PCDH15: variants seen among roughly 807,000 people sequenced by gnomAD.
PCDH15 encodes protocadherin-15.
Under a neutral mutation model 178.5 loss-of-function variants are expected in PCDH15, and 129 were observed. That is an observed-to-expected ratio of 0.72 (90% CI 0.63 to 0.84). The LOEUF (loss-of-function observed/expected upper bound fraction) is 0.84, where lower values mean the gene tolerates loss of function less well. PCDH15 is among the 40% of genes least tolerant of loss of function. The pLI, the probability that PCDH15 is intolerant of heterozygous loss-of-function variation, is 0.00. For synonymous variants in PCDH15, 800 were observed against 732.0 expected (o/e 1.09, Z -1.50); for missense variants, 2,230 against 2,099.9 (o/e 1.06, Z -1.21).
At chr10:54,545,677 A>G (rs2085766572) in intron 2 of PCDH15, among the ~76,000 whole-genome samples, 1 of 152,164 alleles carries the variant, frequency 6.6e-6, no homozygotes, top group African/African-American at 2.4e-5. Context: ...CTATAGCAAT[A>G]TAGAGATAAT....
chr10:53,981,376 T>G (rs1422397900), intron 21 of PCDH15, among the ~76,000 whole-genome samples: 4 of 152,162 alleles, frequency 2.6e-5, no homozygotes, highest in Non-Finnish European at 5.9e-5. Flanking sequence ...CTTGAAAACT[T>G]AGGGAATTTC....
chr10:54,856,568 C>G (rs987929954), intron 3 of PCDH15, among the ~76,000 whole-genome samples: 6 of 152,118 alleles, frequency 3.9e-5, no homozygotes, highest in African/African-American at 1.4e-4. Context: ...TTTATAGCTT[C>G]CCTAATATTC....
At chr10:55,237,594 C>T (rs550913358) in intron 1 of PCDH15, among the ~76,000 whole-genome samples, 4 of 152,152 alleles carry the variant, frequency 2.6e-5, no homozygotes, top group African/African-American at 9.6e-5. Context: ...AGAGATCATT[C>T]TAAATTTGAT....
At chr10:54,019,966 T>C (rs567153246) in intron 20 of PCDH15, among the ~76,000 whole-genome samples, 3 of 152,226 alleles carry the variant, frequency 2.0e-5, no homozygotes, top group East Asian at 1.9e-4. Flanking sequence ...TCCATGGTCT[T>C]TGTACACATA....
At chr10:54,993,510 G>T (rs527696055) in intron 2 of PCDH15, among the ~76,000 whole-genome samples, 57 of 152,224 alleles carry the variant, frequency 3.7e-4, no homozygotes, top group African/African-American at 1.4e-3. Flanking sequence ...GATCCCTTTT[G>T]TTTGGATGAC....
intron 1 of PCDH15, among the ~76,000 whole-genome samples, chr10:55,295,105 A>C (rs1843099065): frequency 6.6e-6 from 1 of 152,208 alleles, no homozygotes; most frequent in South Asian, 2.1e-4. Flanking sequence ...TAGATATAAG[A>C]AAGTTTTGTG....
chr10:53,896,039 A>T (rs934397696), intron 26 of PCDH15, among the ~76,000 whole-genome samples: 6 of 152,198 alleles, frequency 3.9e-5, no homozygotes, highest in African/African-American at 1.4e-4. Flanking sequence ...AAGTGCAATA[A>T]GAAATAATTG....
intron 2 of PCDH15, among the ~76,000 whole-genome samples, chr10:54,567,488 A>AT (rs1388343469): frequency 2.0e-5 from 3 of 152,126 alleles, no homozygotes; most frequent in Non-Finnish European, 4.4e-5. Context: ...ATCATTTCAC[A>AT]TTTTTTATCA....
chr10:54,608,517 G>A (rs2092847656), intron 2 of PCDH15, among the ~76,000 whole-genome samples: 1 of 151,910 alleles, frequency 6.6e-6, no homozygotes, highest in African/African-American at 2.4e-5. Flanking sequence ...AGGCTGAGGT[G>A]GGCGGATAGA....
intron 2 of PCDH15, among the ~76,000 whole-genome samples, chr10:54,623,285 T>C (rs927261613): frequency 6.6e-6 from 1 of 152,138 alleles, no homozygotes; most frequent in African/African-American, 2.4e-5. Context: ...AAGCTCTGCA[T>C]ACATCCATCT....
intron 15 of PCDH15, among the ~76,000 whole-genome samples, chr10:54,102,452 T>C (rs2094830174): frequency 6.6e-6 from 1 of 152,096 alleles, no homozygotes; most frequent in Non-Finnish European, 1.5e-5. Context: ...GCAATTGGAG[T>C]CACCACTTCA....
At chr10:55,208,108 G>C (rs2132167049) in intron 1 of PCDH15, among the ~76,000 whole-genome samples, 1 of 152,174 alleles carries the variant, frequency 6.6e-6, no homozygotes, top group Non-Finnish European at 1.5e-5. Flanking sequence ...TCTTGGCAGA[G>C]ATGTAAAAAC....
intron 3 of PCDH15, among the ~76,000 whole-genome samples, chr10:54,383,240 A>T (rs1176999956): frequency 6.7e-6 from 1 of 149,870 alleles, no homozygotes; most frequent in African/African-American, 2.4e-5. Context: ...TACCAGCAAG[A>T]AAAAAAAAAG....
At chr10:55,441,648 A>G (rs1035377909) in intron 2 of PCDH15, among the ~76,000 whole-genome samples, 2 of 152,216 alleles carry the variant, frequency 1.3e-5, no homozygotes, top group African/African-American at 4.8e-5. Flanking sequence ...TTCAGAAACA[A>G]GATAATCCTA....
At chr10:55,472,509 C>A in intron 2 of PCDH15, among the ~76,000 whole-genome samples, 1 of 130,274 alleles carries the variant, frequency 7.7e-6, no homozygotes, top group South Asian at 2.5e-4. Context: ...AGAATCCTGA[C>A]TCTAATAATA....
intron 21 of PCDH15, among the ~76,000 whole-genome samples, chr10:53,979,755 G>T (rs758362546): frequency 1.3e-5 from 2 of 152,096 alleles, no homozygotes; most frequent in East Asian, 1.9e-4. Context: ...GCTATTAAAC[G>T]GAGGTGCTAC....
rs532234348 is a variant in PCDH15 at position 54,409,128 on chromosome 10, G to C, written c.158-30186C>G. Among the ~76,000 whole-genome samples, 3 of 152,150 alleles carry C rather than the reference G, an allele frequency of 2.0e-5. No homozygotes were observed. In the East Asian group the frequency reaches 5.8e-4, roughly 29 times the overall value. ...CATTGCCTTGTCTGCCACCATGTGA[G>C]ACATGTATTTTGCGTTTTGCCATGA... On this transcript the variant is annotated intron_variant, in intron 3 of 37. Coordinates refer to ENST00000644397, the MANE Select transcript of PCDH15 (RefSeq NM_001384140.1).
intron 2 of PCDH15, among the ~76,000 whole-genome samples, chr10:54,935,671 A>G (rs1198393591): frequency 6.6e-6 from 1 of 152,122 alleles, no homozygotes; most frequent in Non-Finnish European, 1.5e-5. Flanking sequence ...CAGTTCCTGA[A>G]CTTATATTTT....
In PCDH15 at chr10:54,766,408, T is replaced by C. The variant is rs183285356; in HGVS notation, c.-29+34517A>G. The stretch of plus-strand genomic sequence containing the variant: ...AATTTCTTACTTGATGCTTCTGCTT[T>C]AAATTATATCAACGCTTAATTACCA... On this transcript the variant is annotated intron_variant, in intron 1 of 37. Coordinates refer to ENST00000644397, the MANE Select transcript of PCDH15 (RefSeq NM_001384140.1). Among the ~76,000 whole-genome samples, 9 of 152,272 alleles carry C rather than the reference T, an allele frequency of 5.9e-5. No individual in the cohort carries two copies. The East Asian group carries it at 1.7e-3, about 29-fold the overall frequency.
Sources: allele counts gnomAD v4.1 joint callset (sites outside exome capture counted in the v4.1 genomes callset), GRCh38; gene constraint gnomAD v4.1.1; transcripts MANE v1.5; gene names NCBI Gene and HGNC (gene_info 2026-07-23, HGNC 2026-07-21).